The following STXBP4 variants were observed in gnomAD, a reference collection of about 807,000 sequenced individuals.
The protein encoded by STXBP4 is syntaxin binding protein 4.
In STXBP4, 55 loss-of-function variants were observed where a neutral mutation model predicts 76.1. The ratio of observed to expected loss-of-function variants is 0.72; its 90% CI spans 0.58 to 0.91. The LOEUF is 0.91. STXBP4 is among the 40% of genes least tolerant of loss of function. The pLI, the probability that STXBP4 is intolerant of heterozygous loss-of-function variation, is 0.00. For synonymous variants in STXBP4, 201 were observed against 220.2 expected (o/e 0.91, Z 0.77); for missense variants, 618 against 636.9 (o/e 0.97, Z 0.32).
At chr17:55,185,272 T>C in the STXBP4 span, among the ~76,000 whole-genome samples, 47 of 59,174 alleles carry the variant, frequency 7.9e-4, 1 homozygote, top group African/African-American at 3.5e-3. Context: ...TCCTTCTCCT[T>C]CTCCTTCTCC....
chr17:55,164,943 G>A lies in STXBP4; in HGVS notation c.*5032G>A, dbSNP rs16955700. On this transcript the variant is annotated 3_prime_UTR_variant, in exon 18 of 18. Transcript: ENST00000376352. ...CTTCACTGAGTAGTAGGGATACAAT[G>A]TGAGATATATGTGTTTCTAGCCCTT... 1 of 152,018 alleles carries A rather than the reference G, an allele frequency of 6.6e-6. No individual in the cohort carries two copies. Among genetic ancestry groups the A allele is most frequent in the African/African-American group, 2.4e-5 (1 of 41,394 alleles). 9.4% of individuals were successfully genotyped at this position (152,018 alleles called of 1,614,324 possible). A position where few individuals can be genotyped will look rare whatever the true frequency, so the allele number is the denominator to read the frequency against.
intron 16 of STXBP4, among the ~76,000 whole-genome samples, chr17:55,131,192 T>C (rs1255219531): frequency 6.6e-6 from 1 of 152,268 alleles, no homozygotes; most frequent in Non-Finnish European, 1.5e-5. Flanking sequence ...CTTTCATCTT[T>C]TTGATAATAG....
chr17:55,016,806 C>G lies in STXBP4; in HGVS notation c.666+9209C>G, dbSNP rs186490209. 6.6e-3 allele frequency among the ~76,000 whole-genome samples: 1,002 copies of G among 152,316 alleles called. 5 individuals carry two copies. Among genetic ancestry groups the G allele is most frequent in the Non-Finnish European group, 0.011 (726 of 68,022 alleles). ...CTTTTTCTAACAGAATAGCCCCATA[C>G]TTTAAGATTTTTGAGTTAGTAAGCT... On this transcript the variant is annotated intron_variant, in intron 8 of 17. Coordinates refer to ENST00000376352, the MANE Select transcript of STXBP4 (RefSeq NM_178509.6).
intron 16 of STXBP4, among the ~76,000 whole-genome samples, chr17:55,111,224 A>C (rs1244223385): frequency 6.6e-6 from 1 of 152,130 alleles, no homozygotes; most frequent in African/African-American, 2.4e-5. Flanking sequence ...AATCATTTCC[A>C]ATTACACTTA....
chr17:55,077,956 G>A (rs993585917), intron 13 of STXBP4, 122 bp from the exon 14 acceptor site: 5 of 637,620 alleles, frequency 7.8e-6, no homozygotes, highest in African/African-American at 7.5e-5. Context: ...CAAAACATAT[G>A]TACAGTAAGA....
At chr17:55,096,954 T>G (rs191422480) in intron 16 of STXBP4, among the ~76,000 whole-genome samples, 315 of 152,312 alleles carry the variant, frequency 2.1e-3, no homozygotes, top group African/African-American at 7.0e-3. Flanking sequence ...CTTTGCATCT[T>G]TAGTGACAAA....
intron 16 of STXBP4, among the ~76,000 whole-genome samples, chr17:55,084,698 A>G (rs912332761): frequency 6.6e-6 from 1 of 151,990 alleles, no homozygotes; most frequent in African/African-American, 2.4e-5. Flanking sequence ...CTTTCTACAT[A>G]TGGCTAGCCA....
intron 12 of STXBP4, among the ~76,000 whole-genome samples, chr17:55,061,104 T>C (rs1191428541): frequency 6.6e-6 from 1 of 152,176 alleles, no homozygotes; most frequent in African/African-American, 2.4e-5. Flanking sequence ...AAATATAAGG[T>C]CAAATCAACA....
At chr17:55,011,234 T>C (rs183693911) in intron 8 of STXBP4, among the ~76,000 whole-genome samples, 3 of 151,710 alleles carry the variant, frequency 2.0e-5, no homozygotes, top group Non-Finnish European at 1.5e-5. Flanking sequence ...TTTGCATTAT[T>C]TTTTTTAATT....
At chr17:55,011,551 C>G (rs1183562187) in intron 8 of STXBP4, among the ~76,000 whole-genome samples, 1 of 117,218 alleles carries the variant, frequency 8.5e-6, no homozygotes, top group Non-Finnish European at 1.6e-5. Flanking sequence ...AATAGAGCTC[C>G]CATAACAAAG....
chr17:55,134,435 T>G (rs2080006314), intron 16 of STXBP4, among the ~76,000 whole-genome samples: 1 of 152,142 alleles, frequency 6.6e-6, no homozygotes, highest in African/African-American at 2.4e-5. Flanking sequence ...AATGCTTTAC[T>G]GTAAAACAAA....
At chr17:54,969,309 C>G (rs1246409288) in intron 1 of STXBP4, among the ~76,000 whole-genome samples, 1 of 152,146 alleles carries the variant, frequency 6.6e-6, no homozygotes, top group Non-Finnish European at 1.5e-5. Context: ...AAACGAACCC[C>G]GTGGGAGGAT....
Position 54,968,789 on chromosome 17 carries a change from T to G in STXBP4, c.-183T>G. 1.1e-6 allele frequency: 1 copy of G among 936,910 alleles called. No homozygotes were observed. The allele number at this position is 936,910 out of a possible 1,614,324, so 58.0% of individuals were successfully genotyped here. A position where few individuals can be genotyped will look rare whatever the true frequency, so the allele number is the denominator to read the frequency against. On this transcript the variant is annotated 5_prime_UTR_variant, in exon 1 of 18. Coordinates refer to ENST00000376352, the MANE Select transcript of STXBP4 (RefSeq NM_178509.6). ...CAGGTGGCAGCGCTTGCAGTCGGGCTACGGAGGCCGGGTTGCCAGATTACG... is the reference window on the plus strand; with the variant it reads ...CAGGTGGCAGCGCTTGCAGTCGGGCGACGGAGGCCGGGTTGCCAGATTACG...
chr17:55,124,141 G>T (rs244336), intron 16 of STXBP4, among the ~76,000 whole-genome samples: 1 of 152,026 alleles, frequency 6.6e-6, no homozygotes, highest in East Asian at 1.9e-4. Flanking sequence ...GAGGCCCCAT[G>T]ACACCATGAG....
Position 55,042,006 on chromosome 17 carries a change from A to G in STXBP4, c.856-1230A>G, listed in dbSNP as rs964547026. Among the ~76,000 whole-genome samples the G allele has an allele frequency of 2.6e-5, 4 of 152,178 alleles. No individual in the cohort carries two copies. In the East Asian group the frequency reaches 7.7e-4, roughly 29 times the overall value. On this transcript the variant is annotated intron_variant, in intron 10 of 17. Transcript: ENST00000376352. ...TCTGAGAGAGCAGAGTAACAGAGAC[A>G]TAAAGAATGTAGATCATGTAAATTA... is the stretch of plus-strand genomic sequence containing the variant.
chr17:55,042,883 A>C (rs1310734652), intron 10 of STXBP4, among the ~76,000 whole-genome samples: 1 of 152,176 alleles, frequency 6.6e-6, no homozygotes, highest in East Asian at 1.9e-4. Context: ...CCATGCTATT[A>C]GAATGAATGT....
chr17:55,100,979 C>T (rs1442498525), intron 16 of STXBP4, among the ~76,000 whole-genome samples: 1 of 152,104 alleles, frequency 6.6e-6, no homozygotes, highest in Admixed American at 6.5e-5. Context: ...CAGATGAGAC[C>T]ACAGCCATGC....
the STXBP4 span, among the ~76,000 whole-genome samples, chr17:55,184,965 G>A: frequency 6.6e-6 from 1 of 152,096 alleles, no homozygotes; most frequent in Non-Finnish European, 1.5e-5. Flanking sequence ...TTGACCTCCT[G>A]GGCCCGAGCC....
the STXBP4 span, among the ~76,000 whole-genome samples, chr17:55,185,251 C>CTTCTTCTTCTCCTTCTCCTT: frequency 2.0e-5 from 1 of 49,330 alleles, no homozygotes; most frequent in African/African-American, 7.9e-5. Context: ...TTCTTCTTCT[C>CTTCTTCTTCTCCTTCTCCTT]CTTCTCCTTC....
Sources: gnomAD v4.1 joint callset for allele counts (sites outside exome capture counted in the v4.1 genomes callset) on GRCh38, gnomAD v4.1.1 for gene constraint, MANE v1.5 for transcripts, NCBI Gene and HGNC (gene_info 2026-07-23, HGNC 2026-07-21) for gene names.